The following LRRC31 variants were observed in gnomAD, a reference collection of about 807,000 sequenced individuals.
LRRC31 encodes leucine rich repeat containing 31.
Under a neutral mutation model 46.7 loss-of-function variants are expected in LRRC31, and 35 were observed. The ratio of observed to expected loss-of-function variants is 0.75; its 90% CI spans 0.57 to 0.99. LRRC31 has a LOEUF of 0.99. Among genes scored for constraint, LRRC31 ranks in the 50% least tolerant of loss-of-function variants. The pLI, the probability that LRRC31 is intolerant of heterozygous loss-of-function variation, is 0.00. For missense variants in LRRC31, 613 were observed against 626.1 expected, an observed-to-expected ratio of 0.98 and a Z score of 0.22; for synonymous variants, 236 against 235.1, an observed-to-expected ratio of 1.00 and a Z score of -0.03.
chr3:169,839,932 C>T lies in LRRC31; in HGVS notation c.*50G>A. The T allele has an allele frequency of 6.8e-7, 1 of 1,464,858 alleles. No homozygotes were observed. The highest frequency in any genetic ancestry group is 1.4e-5 in the African/African-American group (1 of 70,936). The allele number at this position is 1,464,858 out of a possible 1,614,324, so 90.7% of individuals were successfully genotyped here. ...CATGACTCTGGAATTCGTTCATGTT[C>T]TTTTCCTTTGGAGAATGGTTTGTAG... is the stretch of plus-strand genomic sequence containing the variant. On this transcript the variant is annotated 3_prime_UTR_variant, in exon 9 of 9. Coordinates refer to ENST00000316428, the MANE Select transcript of LRRC31 (RefSeq NM_024727.4).
chr3:169,866,394 C>T (rs1191111823), intron 1 of LRRC31, among the ~76,000 whole-genome samples: 3 of 152,204 alleles, frequency 2.0e-5, no homozygotes, highest in African/African-American at 2.4e-5. Flanking sequence ...CAGTGTTGCA[C>T]AGCAGGGATG....
At chr3:169,850,309 C>T (rs953454805) in intron 7 of LRRC31, among the ~76,000 whole-genome samples, 5 of 152,138 alleles carry the variant, frequency 3.3e-5, no homozygotes, top group Non-Finnish European at 5.9e-5. Context: ...TTGCTCAGCT[C>T]GAGTATTTTG....
At chr3:169,842,896 GAAAT>G (rs1000274929) in intron 8 of LRRC31, among the ~76,000 whole-genome samples, 5 of 152,094 alleles carry the variant, frequency 3.3e-5, no homozygotes, top group Non-Finnish European at 7.4e-5. Flanking sequence ...CTAATTCAGA[GAAAT>G]AAATAAATAA....
intron 7 of LRRC31, among the ~76,000 whole-genome samples, chr3:169,849,900 G>T (rs1305348885): frequency 1.1e-4 from 17 of 152,192 alleles, no homozygotes; most frequent in Admixed American, 1.1e-3. Flanking sequence ...CCAAGTTCTG[G>T]GATATTAGCT....
At chr3:169,863,680 A>G (rs540415983) in intron 1 of LRRC31, among the ~76,000 whole-genome samples, 3 of 152,326 alleles carry the variant, frequency 2.0e-5, no homozygotes, top group Admixed American at 6.5e-5. Context: ...CAAGGCATTT[A>G]ATTTTGGGTA....
intron 1 of LRRC31, among the ~76,000 whole-genome samples, chr3:169,867,376 G>C (rs537963305): frequency 3.3e-5 from 5 of 150,512 alleles, no homozygotes; most frequent in African/African-American, 9.8e-5. Context: ...TCCTGCCTCA[G>C]CCTCCCGAGT....
chr3:169,845,040 T>C (rs747240804), intron 8 of LRRC31, among the ~76,000 whole-genome samples: 2 of 151,898 alleles, frequency 1.3e-5, no homozygotes, highest in Non-Finnish European at 2.9e-5. Context: ...AGCTAACAGA[T>C]GAGTTTAGCA....
intron 1 of LRRC31, among the ~76,000 whole-genome samples, chr3:169,866,273 T>G (rs898104084): frequency 6.6e-6 from 1 of 152,008 alleles, no homozygotes; most frequent in Non-Finnish European, 1.5e-5. Flanking sequence ...GCAGCAGCAA[T>G]GGAGAGGAAG....
chr3:169,856,295 A>C lies in LRRC31; in HGVS notation c.823+41T>G, dbSNP rs906090719. The C allele has an allele frequency of 5.4e-6, 7 of 1,288,632 alleles. No individual in the cohort carries two copies. The African/African-American group carries it at 7.5e-5, about 14-fold the overall frequency. The allele number at this position is 1,288,632 out of a possible 1,614,324, so 79.8% of individuals were successfully genotyped here. A position where few individuals can be genotyped will look rare whatever the true frequency, so the allele number is the denominator to read the frequency against. On this transcript the variant is annotated intron_variant, in intron 5 of 8. Coordinates refer to ENST00000316428, the MANE Select transcript of LRRC31 (RefSeq NM_024727.4). Reference sequence around the variant, plus strand: ...ATATATTTATATGTATATCATATATAATTATACATGTAATCTTAAATCCAG... The same window carrying C: ...ATATATTTATATGTATATCATATATCATTATACATGTAATCTTAAATCCAG...
At chr3:169,863,808 C>G (rs1043776025) in intron 1 of LRRC31, among the ~76,000 whole-genome samples, 25 of 151,998 alleles carry the variant, frequency 1.6e-4, no homozygotes, top group Non-Finnish European at 7.4e-5. Flanking sequence ...TCTGGCAACC[C>G]TAATTTTGGG....
intron 7 of LRRC31, among the ~76,000 whole-genome samples, chr3:169,849,973 GT>G (rs1489399831): frequency 6.6e-6 from 1 of 152,118 alleles, no homozygotes; most frequent in Non-Finnish European, 1.5e-5. Flanking sequence ...GGCCTGCTAC[GT>G]TAACTCTTTT....
intron 1 of LRRC31, among the ~76,000 whole-genome samples, chr3:169,864,324 C>T (rs924957416): frequency 6.6e-6 from 1 of 152,216 alleles, no homozygotes; most frequent in Non-Finnish European, 1.5e-5. Context: ...AGGTCACCAA[C>T]AATAACCTAC....
chr3:169,864,272 TC>T (rs1187737050), intron 1 of LRRC31, among the ~76,000 whole-genome samples: 3 of 152,100 alleles, frequency 2.0e-5, no homozygotes, highest in Non-Finnish European at 4.4e-5. Context: ...CCCTCTACCT[TC>T]TGGTTGCTAC....
At chr3:169,857,415 C>CACATATATATATATATATAT (rs1553924971) in intron 3 of LRRC31, among the ~76,000 whole-genome samples, 2 of 98,672 alleles carry the variant, frequency 2.0e-5, no homozygotes, top group African/African-American at 7.3e-5. Flanking sequence ...TATACATATA[C>CACATATATATATATATATAT]ATATATATAT....
At chr3:169,861,093 C>T (rs564557669) in intron 2 of LRRC31, among the ~76,000 whole-genome samples, 124 of 123,742 alleles carry the variant, frequency 1.0e-3, no homozygotes, top group Non-Finnish European at 1.7e-3. Context: ...TTTTTTCAGA[C>T]GGAGTCTCGA....
In LRRC31 at chr3:169,854,959, C is replaced by G; in HGVS notation, c.845G>C (p.Gly282Ala). 1 of 1,610,842 alleles carries G rather than the reference C, an allele frequency of 6.2e-7. No homozygotes were observed. The highest frequency in any genetic ancestry group is 8.5e-7 in the Non-Finnish European group (1 of 1,179,830). Reference sequence around the variant, plus strand: ...GGAAAGATCTAATTTCCTCAGCTCACCCAAATACCTAAAAGCAGCATCTAC... The same window carrying G: ...GGAAAGATCTAATTTCCTCAGCTCAGCCAAATACCTAAAAGCAGCATCTAC... ...KILDAAFRYLGELRKLDLSCN... is the reference protein window; with the variant it reads ...KILDAAFRYLAELRKLDLSCN... Residue 282 changes from glycine (G) to alanine (A), a missense_variant, in exon 6 of 9, where the codon GGT (glycine) becomes GCT (alanine). Physicochemically the swap from Gly to Ala is moderately conservative, Grantham distance 60. Transcript: ENST00000316428.
rs1166992211 is a variant in LRRC31 at position 169,851,848 on chromosome 3, T to C, written c.992-62A>G. On this transcript the variant is annotated intron_variant, in intron 6 of 8. Coordinates refer to ENST00000316428, the MANE Select transcript of LRRC31 (RefSeq NM_024727.4). ...CATCTCACAGGGAGTCTTCTGGGTGTTTGGTTCCCACAATCTGTTTAATCT... is the reference window on the plus strand; with the variant it reads ...CATCTCACAGGGAGTCTTCTGGGTGCTTGGTTCCCACAATCTGTTTAATCT... 15 of 1,536,606 alleles carry C rather than the reference T, an allele frequency of 9.8e-6. No individual in the cohort carries two copies. The East Asian group carries it at 3.1e-4, about 32-fold the overall frequency.
At chr3:169,853,105 T>C (rs947550617) in intron 6 of LRRC31, 3 of 418,576 alleles carry the variant, frequency 7.2e-6, no homozygotes, top group African/African-American at 4.3e-5. Flanking sequence ...TTTCACCATG[T>C]AGTTTGGGTA....
In LRRC31 at chr3:169,869,924, C is replaced by G; in HGVS notation, c.-117G>C. 1 of 820,466 alleles carries G rather than the reference C, an allele frequency of 1.2e-6. No homozygotes were observed. Among genetic ancestry groups the G allele is most frequent in the Non-Finnish European group, 1.8e-6 (1 of 561,310 alleles). The allele number at this position is 820,466 out of a possible 1,614,324, so 50.8% of individuals were successfully genotyped here. On this transcript the variant is annotated 5_prime_UTR_variant, in exon 1 of 9. Transcript: ENST00000316428. ...GCCTGTGTTCAATCAAAATATCCTC[C>G]CCTACATGACTGCCCCCCACTCCCT...
Sources: allele counts gnomAD v4.1 joint callset (sites outside exome capture counted in the v4.1 genomes callset), GRCh38; gene constraint gnomAD v4.1.1; transcripts MANE v1.5; gene names NCBI Gene and HGNC (gene_info 2026-07-23, HGNC 2026-07-21).